COL4A5: variants seen among roughly 807,000 people sequenced by gnomAD.
COL4A5 encodes collagen alpha-5(IV) chain.
Under a neutral mutation model 130.2 loss-of-function variants are expected in COL4A5, and 26 were observed. That is an observed-to-expected ratio of 0.20 (90% confidence interval 0.15 to 0.28). The LOEUF is 0.28. COL4A5 is among the 10% of genes least tolerant of loss of function. COL4A5 has a pLI of 1.00. For missense variants in COL4A5, 1,131 were observed against 1,344.3 expected (o/e 0.84, Z 2.48); for synonymous variants, 496 against 439.6 (o/e 1.13, Z -1.60).
intron 13 of COL4A5, among the ~76,000 whole-genome samples, chrX:108,579,259 G>A (rs753560221): frequency 8.9e-6 from 1 of 112,041 alleles, no homozygotes; most frequent in African/African-American, 3.2e-5. Context: ...TCATATAAAT[G>A]GAATCATACA....
chrX:108,680,998 T>C, intron 46 of COL4A5, 42 bp downstream of exon 46: 1 of 1,109,134 alleles, frequency 9.0e-7, no homozygotes, highest in East Asian at 3.0e-5. Flanking sequence ...GATACTTAGA[T>C]GCTTTAAAGA....
chrX:108,441,035 G>T (rs909872430), intron 1 of COL4A5, among the ~76,000 whole-genome samples: 30 of 111,207 alleles, frequency 2.7e-4, no homozygotes, highest in African/African-American at 9.5e-4. Context: ...TGAAATAGCA[G>T]CAAAAAGCTC....
At chrX:108,488,668 T>C (rs764265995) in intron 1 of COL4A5, among the ~76,000 whole-genome samples, 1 of 112,381 alleles carries the variant, frequency 8.9e-6, no homozygotes, top group East Asian at 2.8e-4. Context: ...CTGTTCTGAA[T>C]AAGGTTGAGC....
chrX:108,452,798 G>A (rs12688997), intron 1 of COL4A5, among the ~76,000 whole-genome samples: 3 of 110,988 alleles, frequency 2.7e-5, no homozygotes, highest in Middle Eastern at 4.6e-3. Context: ...TCGTCTTTTC[G>A]TAACTGAATA....
chrX:108,685,412 G>A (rs28702452), intron 47 of COL4A5, among the ~76,000 whole-genome samples: 3,174 of 112,106 alleles, frequency 0.028, 74 homozygotes, highest in African/African-American at 0.065. Flanking sequence ...ACTATGTCAG[G>A]TTACTGTTAG....
intron 1 of COL4A5, among the ~76,000 whole-genome samples, chrX:108,491,172 C>G (rs923154373): frequency 3.6e-5 from 4 of 111,027 alleles, no homozygotes; most frequent in Non-Finnish European, 7.6e-5. Flanking sequence ...GCTATTTGGA[C>G]AAGGAATTTT....
intron 13 of COL4A5, among the ~76,000 whole-genome samples, 197 bp from the exon 14 acceptor site, chrX:108,580,336 A>G (rs2066221597): frequency 8.9e-6 from 1 of 111,745 alleles, no homozygotes. Context: ...GTTATAAGTG[A>G]GAACATGTGG....
chrX:108,519,368 A>G (rs1204875642), intron 1 of COL4A5, among the ~76,000 whole-genome samples: 3 of 111,457 alleles, frequency 2.7e-5, no homozygotes, highest in Non-Finnish European at 3.8e-5. Context: ...TTTACATACA[A>G]TTTAAAAAGT....
chrX:108,690,074 A>T (rs1416131465), intron 49 of COL4A5: 90 of 704,783 alleles, frequency 1.3e-4, no homozygotes, highest in Non-Finnish European at 1.4e-4. Flanking sequence ...AGGTTTTTTT[A>T]AATTACTTTA....
At chrX:108,547,366 G>T (rs2065676059) in intron 2 of COL4A5, among the ~76,000 whole-genome samples, 1 of 111,897 alleles carries the variant, frequency 8.9e-6, no homozygotes, top group African/African-American at 3.3e-5. Flanking sequence ...GAGTTTGCCG[G>T]AGGTCCACTC....
At chrX:108,605,826 A>G (rs1473142338) in intron 28 of COL4A5, among the ~76,000 whole-genome samples, 1 of 112,098 alleles carries the variant, frequency 8.9e-6, no homozygotes, top group Non-Finnish European at 1.9e-5. Flanking sequence ...GACCTTGTAT[A>G]CTGTTGTTCT....
At chrX:108,618,084 C>T (rs1435113999) in intron 30 of COL4A5, among the ~76,000 whole-genome samples, 1 of 111,145 alleles carries the variant, frequency 9.0e-6, no homozygotes, top group Admixed American at 9.6e-5. Context: ...CATTCGGCTG[C>T]CAATAAATTT....
intron 1 of COL4A5, among the ~76,000 whole-genome samples, chrX:108,474,053 G>T (rs1004674803): frequency 5.4e-5 from 6 of 111,295 alleles, no homozygotes; most frequent in African/African-American, 9.8e-5. Flanking sequence ...GTAAGCTAAG[G>T]TTAATTTATT....
rs1007300513 is a variant in COL4A5 at position 108,622,761 on chromosome X, T to C, written c.2853T>C (p.Pro951=). 8.3e-7 allele frequency: 1 copy of C among 1,208,943 alleles called. No homozygotes were observed. The highest frequency in any genetic ancestry group is 1.1e-6 in the Non-Finnish European group (1 of 894,125). ...AAGGAGAGCCTGGCCTTCCAGGCCC[T>C]CCTGGACCAATGGATCCAAATCTTC... ...GSKGEPGLPG[P]PGPMDPNLLG... Residue 951 remains proline, a synonymous_variant, in exon 33 of 53, where the codon CCT becomes CCC. Coordinates refer to ENST00000328300, the MANE Select transcript of COL4A5 (RefSeq NM_033380.3).
At chrX:108,574,039 T>C (rs2066107254) in intron 9 of COL4A5, among the ~76,000 whole-genome samples, 1 of 111,764 alleles carries the variant, frequency 8.9e-6, no homozygotes, top group Admixed American at 9.5e-5. Flanking sequence ...ATGCATAATA[T>C]ATGAACATAT....
chrX:108,667,464 A>G (rs2068106599), intron 40 of COL4A5, among the ~76,000 whole-genome samples: 1 of 111,245 alleles, frequency 9.0e-6, no homozygotes, highest in Admixed American at 9.6e-5. Flanking sequence ...AAATTGCAGG[A>G]AGATAAGAAA....
chrX:108,487,720 T>C (rs2064960047), intron 1 of COL4A5, among the ~76,000 whole-genome samples: 1 of 112,545 alleles, frequency 8.9e-6, no homozygotes, highest in South Asian at 3.7e-4. Context: ...GATTTATTTA[T>C]GCCAGAATGT....
chrX:108,680,228 G>A (rs960304527), intron 44 of COL4A5, among the ~76,000 whole-genome samples: 6 of 111,947 alleles, frequency 5.4e-5, no homozygotes, highest in Non-Finnish European at 1.1e-4. Flanking sequence ...TATCTTCGCA[G>A]TGGTTTGACT....
At chrX:108,601,654 C>T (rs984423298) in intron 26 of COL4A5, among the ~76,000 whole-genome samples, 169 bp downstream of exon 26, 1 of 109,616 alleles carries the variant, frequency 9.1e-6, no homozygotes, top group Non-Finnish European at 1.9e-5. Flanking sequence ...CCTCAGCCTC[C>T]CAAGTAGCTG....
Sources: allele counts gnomAD v4.1 joint callset (sites outside exome capture counted in the v4.1 genomes callset), GRCh38; gene constraint gnomAD v4.1.1; transcripts MANE v1.5; gene names NCBI Gene and HGNC (gene_info 2026-07-23, HGNC 2026-07-21).